The following FOXP1 variants were observed in gnomAD, a reference collection of about 807,000 sequenced individuals.
FOXP1 encodes the protein forkhead box P1, also known as forkhead box protein P1.
A neutral mutation model predicts 98.2 loss-of-function variants in FOXP1; 15 were observed. That is an observed-to-expected ratio of 0.15 (90% CI 0.10 to 0.24). The LOEUF is 0.24. Among genes scored for constraint, FOXP1 ranks in the 10% least tolerant of loss-of-function variants. The pLI is 1.00. For missense variants in FOXP1, 633 were observed against 848.5 expected (o/e 0.75, Z 3.15); for synonymous variants, 371 against 314.5 (o/e 1.18, Z -1.90).
chr3:71,244,543 C>A (rs1031692550), intron 5 of FOXP1, among the ~76,000 whole-genome samples: 1 of 150,806 alleles, frequency 6.6e-6, no homozygotes, highest in South Asian at 2.1e-4. Flanking sequence ...AAAAGAAATA[C>A]GCCCAAGTAG....
chr3:71,434,973 T>C (rs1044547832), intron 3 of FOXP1, among the ~76,000 whole-genome samples: 2 of 151,894 alleles, frequency 1.3e-5, no homozygotes, highest in African/African-American at 4.8e-5. Flanking sequence ...TGATCTTCTA[T>C]AGCCAGGTAT....
At chr3:70,984,714 A>T (rs1216714983) in intron 14 of FOXP1, among the ~76,000 whole-genome samples, 2 of 152,066 alleles carry the variant, frequency 1.3e-5, no homozygotes, top group African/African-American at 4.8e-5. Flanking sequence ...GTTTAAAGAG[A>T]TGTGATAGCA....
intron 7 of FOXP1, among the ~76,000 whole-genome samples, chr3:71,103,725 A>G (rs182115190): frequency 6.6e-6 from 1 of 152,312 alleles, no homozygotes; most frequent in East Asian, 1.9e-4. Context: ...CACCAAAAGA[A>G]AAAACAGTAG....
intron 3 of FOXP1, among the ~76,000 whole-genome samples, chr3:71,440,542 G>T (rs1285169813): frequency 6.6e-6 from 1 of 152,148 alleles, no homozygotes; most frequent in Non-Finnish European, 1.5e-5. Flanking sequence ...GCTGGGCATG[G>T]TGGCACATGC....
chr3:71,501,122 G>A (rs748871114), intron 2 of FOXP1, among the ~76,000 whole-genome samples: 11 of 152,040 alleles, frequency 7.2e-5, no homozygotes, highest in Non-Finnish European at 1.3e-4. Flanking sequence ...AATCCGGGAG[G>A]CAGAGGTTGT....
At chr3:71,583,459 TTC>T in intron 1 of FOXP1, 110 bp downstream of exon 1, 4 of 979,524 alleles carry the variant, frequency 4.1e-6, no homozygotes, top group Non-Finnish European at 4.8e-6. Flanking sequence ...CTCTTTTTCT[TTC>T]TTTCTTTTTT....
chr3:71,334,512 AT>A (rs2076551671), intron 4 of FOXP1: 1 of 152,234 alleles, frequency 6.6e-6, no homozygotes, highest in African/African-American at 2.4e-5. Context: ...AATTAAAAAA[AT>A]ATTCTGAAAC....
chr3:71,298,946 C>T (rs560270979), intron 5 of FOXP1, among the ~76,000 whole-genome samples: 1 of 152,156 alleles, frequency 6.6e-6, no homozygotes, highest in Admixed American at 6.5e-5. Flanking sequence ...TGTTTTTAGA[C>T]AGACACAAAT....
intron 7 of FOXP1, among the ~76,000 whole-genome samples, chr3:71,101,578 G>T (rs1209559208): frequency 6.6e-6 from 1 of 150,492 alleles, no homozygotes; most frequent in African/African-American, 2.4e-5. Context: ...GAAGGATGGA[G>T]ACATGGCCAC....
chr3:71,002,367 T>A (rs944504616), intron 12 of FOXP1, among the ~76,000 whole-genome samples: 3 of 152,184 alleles, frequency 2.0e-5, no homozygotes, highest in African/African-American at 4.8e-5. Context: ...GAGGAGACAT[T>A]ATGGTGAACA....
In FOXP1 at chr3:71,288,755, G is replaced by GT. The variant is rs147519502; in HGVS notation, c.-12+11064dup. On this transcript the variant is annotated intron_variant, in intron 5 of 20. Transcript: ENST00000649528. ...AACTTCACAAAAATGAGTGCAAGGG[G>GT]TGGGGGAAAATGTGGTAACTGTAAC... Among the ~76,000 whole-genome samples the GT allele has an allele frequency of 9.2e-3, 1,405 of 152,268 alleles. 26 individuals are homozygous for GT. Among genetic ancestry groups the GT allele is most frequent in the African/African-American group, 0.032 (1,324 of 41,542 alleles).
rs1168839040 is a variant in FOXP1, at chr3:71,487,815, G to GA, written c.-168+5610dup. On this transcript the variant is annotated intron_variant, in intron 3 of 20. Coordinates refer to ENST00000649528, the MANE Select transcript of FOXP1 (RefSeq NM_001349338.3). The stretch of plus-strand genomic sequence containing the variant: ...CCCGTAAGGGGCTTAGAGAGGAATG[G>GA]AAAATACATGCAATATAAATGCAGA... Among the ~76,000 whole-genome samples, 3 of 152,298 alleles carry GA rather than the reference G, an allele frequency of 2.0e-5. No homozygotes were observed. The East Asian group carries it at 5.8e-4, about 29-fold the overall frequency.
chr3:71,146,609 C>G (rs1181867349), intron 6 of FOXP1, among the ~76,000 whole-genome samples: 1 of 152,186 alleles, frequency 6.6e-6, no homozygotes, highest in Non-Finnish European at 1.5e-5. Context: ...CAGTCACACA[C>G]TCACTTCTTT....
chr3:71,312,947 T>C (rs1263149761), intron 4 of FOXP1, among the ~76,000 whole-genome samples: 2 of 152,074 alleles, frequency 1.3e-5, no homozygotes, highest in Non-Finnish European at 2.9e-5. Context: ...GCTGAGATCG[T>C]GCCACTGCAC....
At chr3:71,439,950 G>GAAAA (rs34186820) in intron 3 of FOXP1, among the ~76,000 whole-genome samples, 1 of 133,002 alleles carries the variant, frequency 7.5e-6, no homozygotes, top group Admixed American at 7.7e-5. Context: ...TCTGTCTCAG[G>GAAAA]AAAAAAAAAA....
chr3:71,107,145 G>A (rs2057508264), intron 7 of FOXP1, among the ~76,000 whole-genome samples: 1 of 152,156 alleles, frequency 6.6e-6, no homozygotes, highest in Non-Finnish European at 1.5e-5. Flanking sequence ...GGCAGACTGG[G>A]ACACAGGGCC....
chr3:71,024,430 C>A (rs529818587), intron 11 of FOXP1, among the ~76,000 whole-genome samples: 1 of 152,314 alleles, frequency 6.6e-6, no homozygotes, highest in South Asian at 2.1e-4. Flanking sequence ...AGTAAGTTGA[C>A]AATGGGTCCT....
intron 9 of FOXP1, among the ~76,000 whole-genome samples, chr3:71,050,929 C>T (rs2049800974): frequency 6.6e-6 from 1 of 152,204 alleles, no homozygotes; most frequent in African/African-American, 2.4e-5. Context: ...TTTATATGCT[C>T]TTGAATGTGG....
chr3:71,424,536 T>C (rs1029476109), intron 3 of FOXP1, among the ~76,000 whole-genome samples: 1 of 152,146 alleles, frequency 6.6e-6, no homozygotes, highest in Non-Finnish European at 1.5e-5. Flanking sequence ...TAGGTGGTTC[T>C]GTAAGAACAC....
Sources: allele counts gnomAD v4.1 joint callset (sites outside exome capture counted in the v4.1 genomes callset), GRCh38; gene constraint gnomAD v4.1.1; transcripts MANE v1.5; gene names NCBI Gene and HGNC (gene_info 2026-07-23, HGNC 2026-07-21).